Variants in SDK1 observed in about 807,000 individuals in gnomAD.
The protein encoded by SDK1 is protein sidekick-1.
Under a neutral mutation model 245.5 loss-of-function variants are expected in SDK1, and 157 were observed. The observed-to-expected ratio is 0.64, with a 90% CI of 0.56 to 0.73. The LOEUF is 0.73. Among genes scored for constraint, SDK1 ranks in the 30% least tolerant of loss-of-function variants. The pLI is 0.00. For missense variants in SDK1, 3,583 were observed against 3,002.3 expected (o/e 1.19, Z -4.52); for synonymous variants, 1,647 against 1,278.5 (o/e 1.29, Z -6.15).
At chr7:3,530,753 A>G (rs944508524) in intron 1 of SDK1, among the ~76,000 whole-genome samples, 1 of 152,218 alleles carries the variant, frequency 6.6e-6, no homozygotes, top group South Asian at 2.1e-4. Flanking sequence ...CAAACACAGA[A>G]TATCAGCATT....
At chr7:3,849,241 A>T (rs997516612) in intron 5 of SDK1, among the ~76,000 whole-genome samples, 1 of 152,142 alleles carries the variant, frequency 6.6e-6, no homozygotes, top group Non-Finnish European at 1.5e-5. Context: ...CTCCAGCATC[A>T]TGTCTTCCCC....
Position 3,867,892 on chromosome 7 carries a change from CT to C in SDK1, c.847+46318del, listed in dbSNP as rs199847227. Among the ~76,000 whole-genome samples, 6 of 151,276 alleles carry C rather than the reference CT, an allele frequency of 4.0e-5. No homozygotes were observed. In the East Asian group the frequency reaches 5.8e-4, roughly 15 times the overall value. On this transcript the variant is annotated intron_variant, in intron 5 of 44. Transcript: ENST00000404826. Reference sequence around the variant, plus strand: ...TGGATCTCTGCTGCATGAACATGTTCTTTTTTTTTCATGGAAGAAATAAATA... The same window carrying C: ...TGGATCTCTGCTGCATGAACATGTTCTTTTTTTTCATGGAAGAAATAAATA...
intron 5 of SDK1, among the ~76,000 whole-genome samples, chr7:3,941,791 A>G (rs1250707131): frequency 6.6e-6 from 1 of 152,140 alleles, no homozygotes; most frequent in African/African-American, 2.4e-5. Flanking sequence ...TTGTATCCCC[A>G]GCACCTGCCA....
chr7:3,667,609 C>G (rs1031983665), intron 4 of SDK1, among the ~76,000 whole-genome samples: 6 of 152,196 alleles, frequency 3.9e-5, no homozygotes, highest in Admixed American at 3.9e-4. Flanking sequence ...TCAACTCTTC[C>G]TCCACCAGGA....
chr7:4,221,244 C>T lies in SDK1; in HGVS notation c.5707C>T (p.Pro1903Ser), dbSNP rs1342476451. The T allele has an allele frequency of 1.9e-6, 3 of 1,613,360 alleles. No homozygotes were observed. The highest frequency in any genetic ancestry group is 2.5e-6 in the Non-Finnish European group (3 of 1,179,986). The change falls in exon 40 of 45, where the codon CCG (proline) becomes TCG (serine). Residue 1903 changes from proline (P) to serine (S), a missense_variant. By Grantham distance (74) the Pro-to-Ser change is moderately conservative. Transcript: ENST00000404826. ...NITAGPAEGS[P>S]GSPRDVLVTK... is the part of the protein sequence containing the mutation. ...TTTTCTTCTTTATCCCGCAGGATCCCCGGGCTCGCCTAGAGATGTCCTGGT... is the reference window on the plus strand; with the variant it reads ...TTTTCTTCTTTATCCCGCAGGATCCTCGGGCTCGCCTAGAGATGTCCTGGT...
chr7:3,789,581 TAAAAA>T (rs1471020987), intron 4 of SDK1, among the ~76,000 whole-genome samples: 3 of 152,190 alleles, frequency 2.0e-5, no homozygotes, highest in Non-Finnish European at 2.9e-5. Context: ...CTTTGGGAAT[TAAAAA>T]AGAAAAGTGG....
intron 14 of SDK1, among the ~76,000 whole-genome samples, chr7:3,989,622 C>T (rs1017717227): frequency 6.6e-6 from 1 of 152,158 alleles, no homozygotes; most frequent in Non-Finnish European, 1.5e-5. Context: ...GAGTGGTGCA[C>T]TCTCGGGTAC....
chr7:3,877,674 T>G (rs74332666), intron 5 of SDK1, among the ~76,000 whole-genome samples: 6,940 of 152,326 alleles, frequency 0.046, 509 homozygotes, highest in African/African-American at 0.15. Context: ...TAACCACTGT[T>G]AACTTTTAAA....
At chr7:3,624,981 G>T (rs907998926) in intron 2 of SDK1, among the ~76,000 whole-genome samples, 10 of 152,136 alleles carry the variant, frequency 6.6e-5, no homozygotes, top group Non-Finnish European at 1.5e-5. Context: ...GGAGGTTGCA[G>T]TAAGCCAAGA....
At chr7:3,308,593 A>G (rs1779476307) in intron 1 of SDK1, among the ~76,000 whole-genome samples, 2 of 152,156 alleles carry the variant, frequency 1.3e-5, no homozygotes, top group Non-Finnish European at 1.5e-5. Context: ...GATTAGGTAG[A>G]TGAACATGGG....
intron 1 of SDK1, among the ~76,000 whole-genome samples, chr7:3,473,982 G>A (rs768334276): frequency 1.3e-5 from 2 of 150,232 alleles, no homozygotes; most frequent in South Asian, 2.1e-4. Flanking sequence ...CAAATGCCTC[G>A]ATATTTTTGG....
rs961793729 is a variant in SDK1, at chr7:4,266,531, C to T, written c.*1147C>T. On this transcript the variant is annotated 3_prime_UTR_variant, in exon 45 of 45. Transcript: ENST00000404826. ...GCTGCTGCTGCCCCCTCTCCCAGTC[C>T]GAGGCCAGCTTTTAGCCTTAACAGG... 1.0e-5 allele frequency: 10 copies of T among 985,132 alleles called. No individual in the cohort carries two copies. Among genetic ancestry groups the T allele is most frequent in the South Asian group, 9.4e-5 (2 of 21,258 alleles). The allele number at this position is 985,132 out of a possible 1,614,324, so 61.0% of individuals were successfully genotyped here.
chr7:3,549,792 T>C (rs929087609), intron 1 of SDK1, among the ~76,000 whole-genome samples: 2 of 152,190 alleles, frequency 1.3e-5, no homozygotes, highest in Admixed American at 1.3e-4. Context: ...CATTTCCTTC[T>C]GCTTGTTGCA....
intron 4 of SDK1, among the ~76,000 whole-genome samples, chr7:3,755,781 C>A (rs1443652453): frequency 6.6e-6 from 1 of 151,858 alleles, no homozygotes; most frequent in Non-Finnish European, 1.5e-5. Context: ...GCTTTTTGAA[C>A]CTGAGTCCCT....
chr7:4,143,372 G>T (rs1006899288), intron 28 of SDK1, among the ~76,000 whole-genome samples: 15 of 152,306 alleles, frequency 9.8e-5, no homozygotes, highest in Admixed American at 5.9e-4. Context: ...GACTGCAATT[G>T]TTTTATAATA....
chr7:3,926,721 T>C (rs141996716), intron 5 of SDK1, among the ~76,000 whole-genome samples: 1 of 152,318 alleles, frequency 6.6e-6, no homozygotes, highest in East Asian at 1.9e-4. Context: ...GGCTGTCACA[T>C]ACCAGCCACC....
chr7:3,877,396 T>G (rs1352758096), intron 5 of SDK1, among the ~76,000 whole-genome samples: 1 of 152,166 alleles, frequency 6.6e-6, no homozygotes, highest in South Asian at 2.1e-4. Flanking sequence ...ATGACATTGT[T>G]AAACGTTCGA....
chr7:3,422,612 G>T (rs1216220883), intron 1 of SDK1, among the ~76,000 whole-genome samples: 2 of 152,078 alleles, frequency 1.3e-5, no homozygotes, highest in African/African-American at 4.8e-5. Flanking sequence ...GGGCAACATA[G>T]CAAGACCCCA....
intron 22 of SDK1, among the ~76,000 whole-genome samples, chr7:4,081,577 A>G (rs1031083038): frequency 2.6e-5 from 4 of 151,204 alleles, no homozygotes; most frequent in African/African-American, 9.7e-5. Context: ...CCCGCCACCC[A>G]CCCAGCCAAT....
Sources: allele counts gnomAD v4.1 joint callset (sites outside exome capture counted in the v4.1 genomes callset), GRCh38; gene constraint gnomAD v4.1.1; transcripts MANE v1.5; gene names NCBI Gene and HGNC (gene_info 2026-07-23, HGNC 2026-07-21).